Variants in RSPO2 observed in about 807,000 individuals in gnomAD.
RSPO2 encodes R-spondin-2.
RSPO2 carries 14 observed loss-of-function variants against 30.9 expected under a neutral mutation model. The ratio of observed to expected loss-of-function variants is 0.45; its 90% CI spans 0.30 to 0.71. The LOEUF (loss-of-function observed/expected upper bound fraction) is 0.71. Ranked by LOEUF, RSPO2 falls within the 30% of genes least tolerant of loss-of-function variation. The probability of loss-of-function intolerance (pLI) is 0.08; values close to 1 mark genes in which losing one functional copy is unlikely to be tolerated. For missense variants in RSPO2, 264 were observed against 301.9 expected (o/e 0.87, Z 0.93); for synonymous variants, 107 against 96.4 (o/e 1.11, Z -0.64).
chr8:108,025,317 A>G (rs1811182491), intron 2 of RSPO2, among the ~76,000 whole-genome samples: 1 of 152,184 alleles, frequency 6.6e-6, no homozygotes, highest in South Asian at 2.1e-4. Flanking sequence ...CACCTAAAAC[A>G]CATTGTGCCA....
intron 3 of RSPO2, 45 bp downstream of exon 3, chr8:107,989,011 A>T (rs917116831): frequency 2.0e-6 from 3 of 1,486,426 alleles, no homozygotes; most frequent in Admixed American, 4.7e-5. Flanking sequence ...TCCTCTCCTA[A>T]GTTGCATATC....
intron 5 of RSPO2, among the ~76,000 whole-genome samples, chr8:107,914,449 C>T (rs1371433332): frequency 6.7e-6 from 1 of 149,996 alleles, no homozygotes; most frequent in African/African-American, 2.4e-5. Context: ...GATGTCAATG[C>T]TCACAGAATA....
chr8:107,983,959 T>C, intron 3 of RSPO2: 1 of 943,932 alleles, frequency 1.1e-6, no homozygotes, highest in East Asian at 2.4e-5. Flanking sequence ...TGAAAGGATT[T>C]ATGAATAATT....
intron 2 of RSPO2, among the ~76,000 whole-genome samples, chr8:108,029,458 T>G (rs1811344999): frequency 6.6e-6 from 1 of 152,266 alleles, no homozygotes; most frequent in East Asian, 1.9e-4. Flanking sequence ...TGAAAGTAAA[T>G]TCCTGTAGGC....
chr8:108,025,513 G>A (rs148510795), intron 2 of RSPO2, among the ~76,000 whole-genome samples: 1 of 152,180 alleles, frequency 6.6e-6, no homozygotes, highest in African/African-American at 2.4e-5. Context: ...ACAAGGACAA[G>A]GAAAAGGTCT....
chr8:107,926,806 G>T (rs1098813), intron 5 of RSPO2, among the ~76,000 whole-genome samples: 100,922 of 151,964 alleles, frequency 0.66, 35,531 homozygotes, highest in East Asian at 0.9. Flanking sequence ...TAGCCTTGTA[G>T]TATAGTTTGA....
chr8:107,999,466 A>G (rs992342375), intron 2 of RSPO2, among the ~76,000 whole-genome samples: 9 of 152,146 alleles, frequency 5.9e-5, no homozygotes, highest in African/African-American at 2.2e-4. Flanking sequence ...ACAAAGTCTT[A>G]CTGTGTCGCC....
At chr8:107,932,314 T>A (rs1454084900) in intron 5 of RSPO2, among the ~76,000 whole-genome samples, 1 of 151,990 alleles carries the variant, frequency 6.6e-6, no homozygotes, top group Non-Finnish European at 1.5e-5. Context: ...ATAAGGATAA[T>A]CTCGGAGGAG....
chr8:108,082,285 CTTAGCCCTGAGCGCCCGA>C (rs1320814526), intron 2 of RSPO2, among the ~76,000 whole-genome samples: 1 of 152,224 alleles, frequency 6.6e-6, no homozygotes, highest in Non-Finnish European at 1.5e-5. Flanking sequence ...GACCGCACGA[CTTAGCCCTGAGCGCCCGA>C]TTGGCGCCCG....
rs1811422773 is a variant in RSPO2 at position 107,900,621 on chromosome 8, T to C, written c.*454A>G. On this transcript the variant is annotated 3_prime_UTR_variant, in exon 6 of 6. Coordinates refer to ENST00000276659, the MANE Select transcript of RSPO2 (RefSeq NM_178565.5). Reference sequence around the variant, plus strand: ...GTTTCATCGCACAACAGTGTGAAGGTAACATGCTGAGAATACCATGTGGTA... The same window carrying C: ...GTTTCATCGCACAACAGTGTGAAGGCAACATGCTGAGAATACCATGTGGTA... The C allele has an allele frequency of 6.5e-6, 1 of 154,262 alleles. No individual in the cohort carries two copies. Among genetic ancestry groups the C allele is most frequent in the African/African-American group, 2.4e-5 (1 of 41,510 alleles). 9.6% of individuals were successfully genotyped at this position (154,262 alleles called of 1,614,324 possible). A position where few individuals can be genotyped will look rare whatever the true frequency, so the allele number is the denominator to read the frequency against.
intron 2 of RSPO2, among the ~76,000 whole-genome samples, chr8:108,053,229 C>A (rs1164103614): frequency 2.0e-5 from 3 of 152,134 alleles, no homozygotes; most frequent in East Asian, 1.9e-4. Context: ...AGCAGTGATG[C>A]ACTCCATATT....
intron 5 of RSPO2, among the ~76,000 whole-genome samples, chr8:107,942,227 C>T (rs780890198): frequency 1.3e-5 from 2 of 152,098 alleles, no homozygotes; most frequent in Non-Finnish European, 1.5e-5. Flanking sequence ...GATTTAGAAG[C>T]CCTGGGGAAA....
At chr8:108,049,209 G>A (rs1423028696) in intron 2 of RSPO2, among the ~76,000 whole-genome samples, 1 of 151,628 alleles carries the variant, frequency 6.6e-6, no homozygotes, top group Non-Finnish European at 1.5e-5. Context: ...TATCAAACCT[G>A]CACGTTCTGC....
chr8:107,940,495 T>A (rs1427126298), intron 5 of RSPO2, among the ~76,000 whole-genome samples: 1 of 152,042 alleles, frequency 6.6e-6, no homozygotes, highest in Non-Finnish European at 1.5e-5. Flanking sequence ...GGTTTAGGAG[T>A]CCCAAGAGAT....
At position 108,053,251 on chromosome 8, in the gene RSPO2, A is replaced by C. The variant is rs570470721; in HGVS notation, c.94+29294T>G. Among the ~76,000 whole-genome samples, 5 of 152,286 alleles carry C rather than the reference A, an allele frequency of 3.3e-5. 1 individual carries two copies. Among genetic ancestry groups the C allele is most frequent in the African/African-American group, 1.2e-4 (5 of 41,556 alleles). On this transcript the variant is annotated intron_variant, in intron 2 of 5. Coordinates refer to ENST00000276659, the MANE Select transcript of RSPO2 (RefSeq NM_178565.5). The stretch of plus-strand genomic sequence containing the variant: ...ATGCACTCCATATTCCCATCCACCC[A>C]GAAACTTCATCAGCAGAAGTGTTCA...
chr8:108,005,505 C>T (rs1246640947), intron 2 of RSPO2, among the ~76,000 whole-genome samples: 1 of 151,914 alleles, frequency 6.6e-6, no homozygotes, highest in East Asian at 1.9e-4. Flanking sequence ...TTGGGGAGGC[C>T]TTTCCCTTCT....
chr8:108,048,149 G>C (rs1293332826), intron 2 of RSPO2, among the ~76,000 whole-genome samples: 2 of 152,010 alleles, frequency 1.3e-5, no homozygotes, highest in African/African-American at 4.8e-5. Flanking sequence ...AAGGCCAAGA[G>C]AGGTTGAGCA....
chr8:107,936,666 C>A (rs1008244362), intron 5 of RSPO2, among the ~76,000 whole-genome samples: 1 of 152,088 alleles, frequency 6.6e-6, no homozygotes, highest in East Asian at 1.9e-4. Context: ...AGGGTTAGAT[C>A]ATATCTCATT....
chr8:108,039,969 C>T (rs7823759), intron 2 of RSPO2, among the ~76,000 whole-genome samples: 2,119 of 152,184 alleles, frequency 0.014, 52 homozygotes, highest in African/African-American at 0.047. Flanking sequence ...CAAGATGTCC[C>T]TCACCAGAGA....
Sources: allele counts gnomAD v4.1 joint callset (sites outside exome capture counted in the v4.1 genomes callset), GRCh38; gene constraint gnomAD v4.1.1; transcripts MANE v1.5; gene names NCBI Gene and HGNC (gene_info 2026-07-23, HGNC 2026-07-21).